YAP1: variants seen among roughly 807,000 people sequenced by gnomAD.
The protein encoded by YAP1 is transcriptional coactivator YAP1.
YAP1 carries 5 observed loss-of-function variants against 56.9 expected under a neutral mutation model. The observed-to-expected ratio is 0.09, with a 90% confidence interval of 0.05 to 0.18. The LOEUF (loss-of-function observed/expected upper bound fraction) is 0.18. YAP1 is among the 10% of genes least tolerant of loss of function. The pLI, the probability that YAP1 is intolerant of heterozygous loss-of-function variation, is 1.00. For synonymous variants in YAP1, 265 were observed against 248.1 expected (o/e 1.07, Z -0.64); for missense variants, 539 against 651.8 (o/e 0.83, Z 1.88).
At chr11:102,181,686 G>GT (rs1272702478) in intron 3 of YAP1, among the ~76,000 whole-genome samples, 1 of 152,212 alleles carries the variant, frequency 6.6e-6, no homozygotes, top group African/African-American at 2.4e-5. Flanking sequence ...AGACGTGACT[G>GT]TGTACTATTC....
At chr11:102,226,508 G>A (rs1279618380) in intron 7 of YAP1, among the ~76,000 whole-genome samples, 1 of 152,198 alleles carries the variant, frequency 6.6e-6, no homozygotes, top group Non-Finnish European at 1.5e-5. Context: ...CACTCACACA[G>A]ACCATTGAAG....
chr11:102,221,106 G>T (rs1949907352), intron 6 of YAP1, among the ~76,000 whole-genome samples: 1 of 152,208 alleles, frequency 6.6e-6, no homozygotes, highest in Admixed American at 6.5e-5. Flanking sequence ...TAAGTGAATT[G>T]TCCATTTAAT....
intron 2 of YAP1, among the ~76,000 whole-genome samples, chr11:102,125,085 G>A (rs1410256467): frequency 6.6e-6 from 1 of 151,322 alleles, no homozygotes; most frequent in Non-Finnish European, 1.5e-5. Flanking sequence ...TGCCCAGGCT[G>A]GAATGCAGTG....
chr11:102,110,945 C>G lies in YAP1; in HGVS notation c.97C>G (p.Pro33Ala). The change falls in exon 1 of 9, where the codon CCC becomes GCC. Residue 33 changes from proline (P) to alanine (A), a missense_variant. By Grantham distance (27) the Pro-to-Ala change is conservative (BLOSUM62 -1). Around this residue, in one of 4 missense-constraint regions of YAP1, gnomAD observed 106 missense variants for 86.6 expected, o/e 1.22. Transcript: ENST00000282441. The stretch of plus-strand genomic sequence containing the variant: ...GCAGGGGCAGGGCCCGCCGTCCGGA[C>G]CCGGGCAACCGGCACCCGCGGCGAC... Reference protein sequence around the residue: ...PPQGQGPPSGPGQPAPAATQA... With the variant: ...PPQGQGPPSGAGQPAPAATQA... 1.3e-6 allele frequency: 2 copies of G among 1,498,766 alleles called. No homozygotes were observed. The highest frequency in any genetic ancestry group is 5.7e-5 in the East Asian group (2 of 34,840). The allele number at this position is 1,498,766 out of a possible 1,614,324, so 92.8% of individuals were successfully genotyped here.
At chr11:102,158,606 TA>T (rs1388199962) in intron 2 of YAP1, among the ~76,000 whole-genome samples, 1 of 152,246 alleles carries the variant, frequency 6.6e-6, no homozygotes, top group East Asian at 1.9e-4. Flanking sequence ...GAATTGATAG[TA>T]TCCATTCTTT....
chr11:102,164,372 T>C (rs1052903259), intron 3 of YAP1, among the ~76,000 whole-genome samples: 4 of 152,196 alleles, frequency 2.6e-5, no homozygotes, highest in African/African-American at 7.2e-5. Context: ...TGTACAAATA[T>C]TAATATTTTT....
chr11:102,210,168 C>T (rs1949326047), intron 6 of YAP1, among the ~76,000 whole-genome samples: 1 of 152,174 alleles, frequency 6.6e-6, no homozygotes, highest in African/African-American at 2.4e-5. Context: ...AAGATTGTGG[C>T]CAATTTTTCT....
At chr11:102,116,650 G>C (rs990212928) in intron 2 of YAP1, among the ~76,000 whole-genome samples, 1 of 152,186 alleles carries the variant, frequency 6.6e-6, no homozygotes, top group African/African-American at 2.4e-5. Context: ...CAAGGGTAGA[G>C]AGATATTTAC....
intron 6 of YAP1, among the ~76,000 whole-genome samples, chr11:102,215,058 A>G (rs577443752): frequency 6.6e-6 from 1 of 152,318 alleles, no homozygotes; most frequent in African/African-American, 2.4e-5. Flanking sequence ...ACATTAAAAA[A>G]CATAAAGCAT....
intron 4 of YAP1, among the ~76,000 whole-genome samples, chr11:102,195,709 T>C (rs939377974): frequency 1.3e-5 from 2 of 152,222 alleles, no homozygotes; most frequent in African/African-American, 4.8e-5. Flanking sequence ...CTTCCCCTTT[T>C]GCAATGATTG....
At chr11:102,183,628 G>A (rs1421933762) in intron 3 of YAP1, among the ~76,000 whole-genome samples, 1 of 151,748 alleles carries the variant, frequency 6.6e-6, no homozygotes, top group Non-Finnish European at 1.5e-5. Flanking sequence ...GAGCAGGTAG[G>A]GAAGGTTGGT....
At chr11:102,162,736 C>G (rs1384395917) in intron 3 of YAP1, among the ~76,000 whole-genome samples, 165 bp downstream of exon 3, 1 of 152,180 alleles carries the variant, frequency 6.6e-6, no homozygotes, top group Non-Finnish European at 1.5e-5. Flanking sequence ...ATAACGTAAG[C>G]TATATTATTG....
At chr11:102,208,478 A>G (rs531294739) in intron 5 of YAP1, among the ~76,000 whole-genome samples, 4 of 152,310 alleles carry the variant, frequency 2.6e-5, no homozygotes, top group African/African-American at 9.6e-5. Context: ...CTTGAAAGAA[A>G]TGTTTCTTTA....
In YAP1 at chr11:102,110,659, G is replaced by C. The variant is rs1942832080; in HGVS notation, c.-190G>C. The C allele has an allele frequency of 3.0e-6, 1 of 337,818 alleles. No homozygotes were observed. Among genetic ancestry groups the C allele is most frequent in the Admixed American group, 5.4e-5 (1 of 18,548 alleles). 20.9% of individuals were successfully genotyped at this position (337,818 alleles called of 1,614,324 possible). A position where few individuals can be genotyped will look rare whatever the true frequency, so the allele number is the denominator to read the frequency against. On this transcript the variant is annotated 5_prime_UTR_variant, in exon 1 of 9. Transcript: ENST00000282441. ...GCCAGACCAGTGGAGCCGGGGCGCAGGGCGGGGGCGGAGGCGCCGGGGCGG... is the reference window on the plus strand; with the variant it reads ...GCCAGACCAGTGGAGCCGGGGCGCACGGCGGGGGCGGAGGCGCCGGGGCGG...
chr11:102,161,581 T>A (rs1946295263), intron 2 of YAP1, among the ~76,000 whole-genome samples: 1 of 152,202 alleles, frequency 6.6e-6, no homozygotes, highest in East Asian at 1.9e-4. Flanking sequence ...CTGTAATAAA[T>A]GATACTGAAG....
Position 102,230,834 on chromosome 11 carries a change from T to A in YAP1, c.*894T>A, listed in dbSNP as rs1950413413. 1 of 152,302 alleles carries A rather than the reference T, an allele frequency of 6.6e-6. No individual in the cohort carries two copies. Among genetic ancestry groups the A allele is most frequent in the African/African-American group, 2.4e-5 (1 of 41,450 alleles). The allele number at this position is 152,302 out of a possible 1,614,324, so 9.4% of individuals were successfully genotyped here. On this transcript the variant is annotated 3_prime_UTR_variant, in exon 9 of 9. Transcript: ENST00000282441. ...TTCCTGGTTTTTTTTACCACCTTAT[T>A]TAAATCTCGATTATCTGCTCTCTCT...
chr11:102,197,156 C>T (rs1425080404), intron 4 of YAP1, among the ~76,000 whole-genome samples: 1 of 152,112 alleles, frequency 6.6e-6, no homozygotes, highest in Admixed American at 6.5e-5. Context: ...GTTTTGAGTA[C>T]ACTCGTAGGT....
At chr11:102,112,103 G>A (rs534257363) in intron 1 of YAP1, among the ~76,000 whole-genome samples, 1 of 152,166 alleles carries the variant, frequency 6.6e-6, no homozygotes, top group African/African-American at 2.4e-5. Flanking sequence ...ACTGAGTTGC[G>A]CTTTACAGTA....
At chr11:102,161,443 T>A (rs1346562867) in intron 2 of YAP1, among the ~76,000 whole-genome samples, 1 of 151,976 alleles carries the variant, frequency 6.6e-6, no homozygotes, top group East Asian at 1.9e-4. Context: ...TTAAAAACTG[T>A]ATTATTAATA....
Sources: gnomAD v4.1 joint callset for allele counts (sites outside exome capture counted in the v4.1 genomes callset) on GRCh38, gnomAD v4.1.1 for gene constraint, gnomAD v4.1.1 regional missense constraint, MANE v1.5 for transcripts, NCBI Gene and HGNC (gene_info 2026-07-23, HGNC 2026-07-21) for gene names.